The following PLCL1 variants were observed in gnomAD, a reference collection of about 807,000 sequenced individuals.
The protein encoded by PLCL1 is phospholipase C like 1 (inactive).
A neutral mutation model predicts 84.4 loss-of-function variants in PLCL1; 41 were observed. The observed-to-expected ratio is 0.49, with a 90% CI of 0.38 to 0.63. PLCL1 has a LOEUF of 0.63. Ranked by LOEUF, PLCL1 falls within the 30% of genes least tolerant of loss-of-function variation. PLCL1 has a pLI of 0.00. For synonymous variants in PLCL1, 490 were observed against 488.3 expected (o/e 1.00, Z -0.05); for missense variants, 1,206 against 1,367.8 (o/e 0.88, Z 1.87).
intron 1 of PLCL1, among the ~76,000 whole-genome samples, chr2:197,939,551 A>C (rs556457651): frequency 2.0e-5 from 3 of 151,864 alleles, no homozygotes; most frequent in Admixed American, 2.0e-4. Flanking sequence ...TGGTTTCTTC[A>C]TGTGGTCTTC....
chr2:197,897,137 T>C (rs1042233541), intron 1 of PLCL1, among the ~76,000 whole-genome samples: 2 of 30,248 alleles, frequency 6.6e-5, no homozygotes, highest in South Asian at 2.6e-3. Context: ...TTCTTCTTCT[T>C]CTTCTTCTTC....
intron 1 of PLCL1, among the ~76,000 whole-genome samples, chr2:197,916,686 G>C (rs771465222): frequency 1.3e-5 from 2 of 151,698 alleles, no homozygotes; most frequent in South Asian, 2.1e-4. Flanking sequence ...TTGCATACCA[G>C]ATACTGCCCA....
intron 1 of PLCL1, among the ~76,000 whole-genome samples, chr2:197,845,089 T>G (rs1687096125): frequency 6.6e-6 from 1 of 152,156 alleles, no homozygotes; most frequent in African/African-American, 2.4e-5. Flanking sequence ...TTCAGCCTTA[T>G]GGCTGTGTTT....
In PLCL1 at chr2:197,987,254, C is replaced by T. The variant is rs138167099; in HGVS notation, c.241-96504C>T. Among the ~76,000 whole-genome samples, 104 of 152,266 alleles carry T rather than the reference C, an allele frequency of 6.8e-4. 3 individuals are homozygous for T. The South Asian group carries it at 0.013, about 20-fold the overall frequency. On this transcript the variant is annotated intron_variant, in intron 1 of 5. Coordinates refer to ENST00000428675, the MANE Select transcript of PLCL1 (RefSeq NM_006226.4). ...GTGTTTGACTTAGCCTCTATAATATCGGCCTGTACATGGCTTTATTAAACA... is the reference window on the plus strand; with the variant it reads ...GTGTTTGACTTAGCCTCTATAATATTGGCCTGTACATGGCTTTATTAAACA...
chr2:197,932,745 A>G (rs1393712011), intron 1 of PLCL1, among the ~76,000 whole-genome samples: 1 of 152,230 alleles, frequency 6.6e-6, no homozygotes, highest in Non-Finnish European at 1.5e-5. Flanking sequence ...CAGGTATTGC[A>G]GGAATTAAAA....
intron 1 of PLCL1, among the ~76,000 whole-genome samples, chr2:197,970,233 G>C (rs1047797495): frequency 6.6e-6 from 1 of 152,174 alleles, no homozygotes; most frequent in Admixed American, 6.5e-5. Flanking sequence ...AGGTAAGCAG[G>C]CAAGTGAGTG....
intron 1 of PLCL1, among the ~76,000 whole-genome samples, chr2:197,921,100 A>C (rs1688692203): frequency 6.6e-6 from 1 of 152,270 alleles, no homozygotes; most frequent in African/African-American, 2.4e-5. Context: ...AGAATGCAGC[A>C]TGTTACTGTA....
chr2:197,915,522 A>AT lies in PLCL1; in HGVS notation c.240+110197dup, dbSNP rs879865594. On this transcript the variant is annotated intron_variant, in intron 1 of 5. Coordinates refer to ENST00000428675, the MANE Select transcript of PLCL1 (RefSeq NM_006226.4). ...TCAAAATTTTACTCTTCAGAAGGAG[A>AT]TTTTTTTTTTTTTTGAAGTCCGATG... 4.1e-3 allele frequency among the ~76,000 whole-genome samples: 594 copies of AT among 143,504 alleles called. 2 individuals carry two copies. The highest frequency in any genetic ancestry group is 8.4e-3 in the East Asian group (41 of 4,868). 94.1% of individuals were successfully genotyped at this position (143,504 alleles called of 152,430 possible).
chr2:197,947,072 A>T (rs760734570), intron 1 of PLCL1, among the ~76,000 whole-genome samples: 2 of 152,046 alleles, frequency 1.3e-5, no homozygotes, highest in Non-Finnish European at 2.9e-5. Flanking sequence ...TGTGTATCAG[A>T]TAGTATTCTG....
chr2:198,053,950 G>A (rs1007381974), intron 1 of PLCL1, among the ~76,000 whole-genome samples: 1 of 152,200 alleles, frequency 6.6e-6, no homozygotes, highest in South Asian at 2.1e-4. Context: ...GCAGCTGCAG[G>A]AGTATTTATG....
At chr2:198,129,276 G>C (rs1694065730) in intron 5 of PLCL1, among the ~76,000 whole-genome samples, 1 of 152,056 alleles carries the variant, frequency 6.6e-6, no homozygotes, top group South Asian at 2.1e-4. Context: ...GGAAGCATTT[G>C]CCATCTATTG....
At chr2:198,059,869 A>G (rs1262524968) in intron 1 of PLCL1, among the ~76,000 whole-genome samples, 1 of 152,190 alleles carries the variant, frequency 6.6e-6, no homozygotes, top group Non-Finnish European at 1.5e-5. Flanking sequence ...GCACGGGGAC[A>G]GAGGGGCTTT....
At chr2:197,979,754 T>C (rs1690065975) in intron 1 of PLCL1, among the ~76,000 whole-genome samples, 1 of 152,166 alleles carries the variant, frequency 6.6e-6, no homozygotes, top group South Asian at 2.1e-4. Context: ...GAAAGACCCA[T>C]GTTCTTCTGG....
At chr2:197,807,505 C>T (rs1048943511) in intron 1 of PLCL1, among the ~76,000 whole-genome samples, 2 of 104,342 alleles carry the variant, frequency 1.9e-5, no homozygotes, top group Non-Finnish European at 4.0e-5. Context: ...AGGTGGTAAG[C>T]TCTGTTCCAC....
chr2:198,022,026 C>T (rs1691144238), intron 1 of PLCL1, among the ~76,000 whole-genome samples: 1 of 152,182 alleles, frequency 6.6e-6, no homozygotes, highest in Non-Finnish European at 1.5e-5. Flanking sequence ...CATCAAAAAG[C>T]TTATCCACCA....
intron 1 of PLCL1, among the ~76,000 whole-genome samples, chr2:198,011,448 G>A (rs573755839): frequency 1.5e-3 from 224 of 151,914 alleles, no homozygotes; most frequent in Non-Finnish European, 2.5e-3. Context: ...TTGATTTTTA[G>A]TTTTATTTTA....
At chr2:198,060,495 A>G (rs1692169167) in intron 1 of PLCL1, among the ~76,000 whole-genome samples, 1 of 152,204 alleles carries the variant, frequency 6.6e-6, no homozygotes, top group Non-Finnish European at 1.5e-5. Context: ...TTTCCTGCTG[A>G]GCTGACACAG....
chr2:197,983,195 CTTTTCTTTTTTTTTTTTTT>C (rs1690150133), intron 1 of PLCL1, among the ~76,000 whole-genome samples: 5 of 51,708 alleles, frequency 9.7e-5, no homozygotes, highest in Admixed American at 2.1e-4. Context: ...TTTTTCTTTT[CTTTTCTTTTTTTTTTTTTT>C]TTTTTTTTTT....
intron 1 of PLCL1, among the ~76,000 whole-genome samples, chr2:197,920,561 G>T (rs1688682130): frequency 6.6e-6 from 1 of 152,140 alleles, no homozygotes; most frequent in South Asian, 2.1e-4. Flanking sequence ...TGGAATGATT[G>T]CAAAATAGAG....
Sources: allele counts gnomAD v4.1 joint callset (sites outside exome capture counted in the v4.1 genomes callset), GRCh38; gene constraint gnomAD v4.1.1; transcripts MANE v1.5; gene names NCBI Gene and HGNC (gene_info 2026-07-23, HGNC 2026-07-21).